The following LRRC71 variants were observed in gnomAD, a reference collection of about 807,000 sequenced individuals.
The protein encoded by LRRC71 is leucine-rich repeat-containing protein 71.
A neutral mutation model predicts 66.6 loss-of-function variants in LRRC71; 54 were observed. The ratio of observed to expected loss-of-function variants is 0.81; its 90% confidence interval spans 0.65 to 1.02. The LOEUF is 1.02. Ranked by LOEUF, LRRC71 falls within the 50% of genes least tolerant of loss-of-function variation. The pLI is 0.00. For missense variants in LRRC71, 724 were observed against 718.0 expected (o/e 1.01, Z -0.10); for synonymous variants, 323 against 303.9 (o/e 1.06, Z -0.65).
At position 156,932,938 on chromosome 1, in the gene LRRC71, G is replaced by T; in HGVS notation, c.1649G>T (p.Arg550Met). ...AGGGATCCCATCAAGGCCAAACTCA[G>T]GGAGGATGAGGCCATGGCATTCTTC... ...LPRDPIKAKL[R>M]EDEAMAFFP The change falls in exon 15 of 15, where the codon AGG becomes ATG. Residue 550 changes from arginine (R) to methionine (M), a missense_variant. Arg to Met is a moderately conservative substitution (Grantham distance 91). Transcript: ENST00000337428. The T allele has an allele frequency of 6.3e-7, 1 of 1,590,002 alleles. No homozygotes were observed. The highest frequency in any genetic ancestry group is 2.3e-5 in the East Asian group (1 of 43,734).
At position 156,927,909 on chromosome 1, in the gene LRRC71, C is replaced by A; in HGVS notation, c.907-6C>A. The A allele has an allele frequency of 6.2e-7, 1 of 1,611,340 alleles. No individual in the cohort carries two copies. The highest frequency in any genetic ancestry group is 8.5e-7 in the Non-Finnish European group (1 of 1,178,968). ...CGTCCGACCGCTGAGCGCCCGCCTC[C>A]TTCAGGTCCTGCGCGCCTTCGAGCT... On this transcript the variant is annotated splice_region_variant and splice_polypyrimidine_tract_variant and intron_variant, in intron 8 of 14. Transcript: ENST00000337428.
chr1:156,932,698 T>G (rs953768873), intron 14 of LRRC71, 153 bp downstream of exon 14: 1 of 1,564,648 alleles, frequency 6.4e-7, no homozygotes, highest in African/African-American at 1.4e-5. Context: ...TAACCTCCAT[T>G]CCTCTTGCTG....
At chr1:156,940,247 A>G in the LRRC71 span, 1 of 1,606,152 alleles carries the variant, frequency 6.2e-7, no homozygotes, top group African/African-American at 1.3e-5. Context: ...CCATGAACAG[A>G]GGGCCTGGGA....
chr1:156,935,247 A>T (rs529449864), downstream of LRRC71: 3 of 152,272 alleles, frequency 2.0e-5, no homozygotes, highest in Non-Finnish European at 4.4e-5. Context: ...TGTGAAGATG[A>T]GAAGTCCAGG....
intron 12 of LRRC71, 85 bp from the exon 13 acceptor site, chr1:156,931,831 C>A: frequency 9.1e-7 from 1 of 1,104,594 alleles, no homozygotes; most frequent in Non-Finnish European, 1.3e-6. Context: ...GCAGTCAAAA[C>A]ATGTATGTTG....
chr1:156,933,098 C>T (rs766055409), downstream of LRRC71: 5 of 644,846 alleles, frequency 7.8e-6, no homozygotes, highest in East Asian at 2.8e-5. Flanking sequence ...TCCTTGAGGT[C>T]GTCTGAAAAC....
chr1:156,937,433 G>A, downstream of LRRC71: 1 of 1,571,446 alleles, frequency 6.4e-7, no homozygotes, highest in Non-Finnish European at 8.6e-7. Flanking sequence ...GCTCATGGGT[G>A]CCTCTGAGTG....
At chr1:156,921,783 A>C (rs1652433842) in intron 1 of LRRC71, 2 of 478,250 alleles carry the variant, frequency 4.2e-6, no homozygotes, top group Non-Finnish European at 2.7e-6. Context: ...GCTGTATAGA[A>C]TACAGGGTGG....
intron 13 of LRRC71, 134 bp downstream of exon 13, chr1:156,932,161 C>T: frequency 1.3e-6 from 1 of 775,820 alleles, no homozygotes. Context: ...CCAAGGCTCT[C>T]TGGCACAGGG....
chr1:156,934,943 A>G (rs1213429589), downstream of LRRC71: 2 of 148,264 alleles, frequency 1.3e-5, no homozygotes, highest in Admixed American at 1.4e-4. Context: ...TTCCATATCT[A>G]TATTTTATAT....
At chr1:156,937,468 T>A (rs1473014645), downstream of LRRC71, 1 of 1,533,596 alleles carries the variant, frequency 6.5e-7, no homozygotes, top group Non-Finnish European at 8.7e-7. Context: ...CCGGGGGTCC[T>A]GATGGCATGC....
rs1303865771 is a variant in LRRC71 at position 156,920,868 on chromosome 1, C to A, written c.65C>A (p.Ser22Tyr). The A allele has an allele frequency of 1.2e-5, 18 of 1,542,830 alleles. No individual in the cohort carries two copies. Among genetic ancestry groups the A allele is most frequent in the Non-Finnish European group, 1.6e-5 (18 of 1,144,002 alleles). The change falls in exon 1 of 15, where the codon TCT becomes TAT. Residue 22 changes from serine to tyrosine, a missense_variant. Ser to Tyr is a moderately radical substitution (Grantham distance 144). Coordinates refer to ENST00000337428, the MANE Select transcript of LRRC71 (RefSeq NM_144702.3). This position sits in a 1 kb window ranked among gnomAD's most constrained non-coding sequence, Gnocchi z 4.9. ...PRAPRPGTQK[S>Y]SGAVTKKGER... Reference sequence around the variant, plus strand: ...GCCCCGCGTCCGGGGACCCAGAAGTCTTCTGGCGCGGTGACCAAAAAGGGA... The same window carrying A: ...GCCCCGCGTCCGGGGACCCAGAAGTATTCTGGCGCGGTGACCAAAAAGGGA...
the LRRC71 span, chr1:156,939,074 C>G: frequency 1.2e-4 from 26 of 211,750 alleles, no homozygotes; most frequent in African/African-American, 6.1e-4. Flanking sequence ...CAGCTTTGTC[C>G]TCCACCCCTT....
the LRRC71 span, among the ~76,000 whole-genome samples, chr1:156,940,702 T>C: frequency 1.2e-3 from 176 of 152,260 alleles, no homozygotes; most frequent in African/African-American, 3.9e-3. Flanking sequence ...AGGCAGTAAC[T>C]TCCACCGGAA....
chr1:156,930,455 G>T, intron 11 of LRRC71, 74 bp from the exon 12 acceptor site: 15 of 1,379,726 alleles, frequency 1.1e-5, no homozygotes, highest in Non-Finnish European at 1.2e-5. Flanking sequence ...CTCACAGCCT[G>T]TTTTCTCTGG....
At chr1:156,934,275 T>C (rs981847399), downstream of LRRC71, among the ~76,000 whole-genome samples, 4 of 152,010 alleles carry the variant, frequency 2.6e-5, no homozygotes, top group African/African-American at 9.7e-5. Flanking sequence ...GGAGTCAGGG[T>C]TGGGCTGGAA....
chr1:156,931,790 A>G (rs1654404382), intron 12 of LRRC71, 126 bp from the exon 13 acceptor site: 1 of 727,454 alleles, frequency 1.4e-6, no homozygotes, highest in Admixed American at 2.6e-5. Flanking sequence ...TTGTATCCCC[A>G]GCACTTGGGA....
At chr1:156,928,404 C>A (rs113803295) in intron 9 of LRRC71, among the ~76,000 whole-genome samples, 2 of 133,522 alleles carry the variant, frequency 1.5e-5, no homozygotes, top group African/African-American at 3.4e-5. Flanking sequence ...TCTTCTTCTT[C>A]TTCCTCTTAT....
intron 1 of LRRC71, among the ~76,000 whole-genome samples, chr1:156,922,603 C>A (rs1652558359): frequency 6.6e-6 from 1 of 152,166 alleles, no homozygotes; most frequent in African/African-American, 2.4e-5. Flanking sequence ...AGGTAACTAT[C>A]TGCTAAAGTG....
Sources: gnomAD v4.1 joint callset for allele counts (sites outside exome capture counted in the v4.1 genomes callset) on GRCh38, gnomAD v4.1.1 for gene constraint, Gnocchi (gnomAD v3.1) non-coding constraint, MANE v1.5 for transcripts, NCBI Gene and HGNC (gene_info 2026-07-23, HGNC 2026-07-21) for gene names.